Variants in RIPOR2 observed in about 807,000 individuals in gnomAD.
RIPOR2 encodes the protein rho family-interacting cell polarization regulator 2.
Under a neutral mutation model 114.5 loss-of-function variants are expected in RIPOR2, and 39 were observed. The observed-to-expected ratio is 0.34, with a 90% CI of 0.26 to 0.44. RIPOR2 has a LOEUF of 0.44. RIPOR2 is among the 20% of genes least tolerant of loss of function. The probability of loss-of-function intolerance (pLI) is 1.00; values close to 1 mark genes in which losing one functional copy is unlikely to be tolerated. For missense variants in RIPOR2, 1,007 were observed against 1,255.1 expected (o/e 0.80, Z 2.99); for synonymous variants, 445 against 484.4 (o/e 0.92, Z 1.07).
chr6:24,921,553 T>C (rs1770488399), intron 1 of RIPOR2, among the ~76,000 whole-genome samples: 1 of 152,130 alleles, frequency 6.6e-6, no homozygotes, highest in Non-Finnish European at 1.5e-5. Flanking sequence ...GTTCAGACCT[T>C]GACTTCAAAC....
intron 1 of RIPOR2, among the ~76,000 whole-genome samples, chr6:24,942,827 G>A (rs654491): frequency 1.3e-5 from 2 of 152,124 alleles, no homozygotes; most frequent in Non-Finnish European, 2.9e-5. Context: ...TCTGTCAGAT[G>A]AGTAGGTTGC....
chr6:24,882,969 C>G (rs1465887295), intron 1 of RIPOR2, among the ~76,000 whole-genome samples: 1 of 152,154 alleles, frequency 6.6e-6, no homozygotes, highest in Non-Finnish European at 1.5e-5. Flanking sequence ...AAGGAAACCC[C>G]TGCAAGGATG....
intron 1 of RIPOR2, among the ~76,000 whole-genome samples, chr6:25,010,132 C>T (rs774908798): frequency 2.6e-5 from 4 of 152,064 alleles, no homozygotes; most frequent in Non-Finnish European, 4.4e-5. Flanking sequence ...GAATGTTTGT[C>T]CCCCATTAAC....
chr6:24,899,996 T>A (rs1768255976), intron 1 of RIPOR2, among the ~76,000 whole-genome samples: 1 of 152,230 alleles, frequency 6.6e-6, no homozygotes, highest in South Asian at 2.1e-4. Flanking sequence ...GTGAAAAATC[T>A]TCTTCTTGAT....
At chr6:24,809,054 C>T (rs1780961426) in intron 21 of RIPOR2, among the ~76,000 whole-genome samples, 1 of 152,088 alleles carries the variant, frequency 6.6e-6, no homozygotes, top group South Asian at 2.1e-4. Flanking sequence ...GCCACCAAAC[C>T]CAGCTATTTA....
chr6:24,873,734 T>G lies in RIPOR2; in HGVS notation c.254A>C (p.His85Pro). The part of the protein sequence containing the change: ...KKPQAKLKKM[H>P]NLGHKNNNPP... Reference sequence around the variant, plus strand: ...ATTGTTGTTTTTGTGGCCTAAATTGTGCATTTTCTTCAGTTTGGCCTGAGG... The same window carrying G: ...ATTGTTGTTTTTGTGGCCTAAATTGGGCATTTTCTTCAGTTTGGCCTGAGG... The change falls in exon 3 of 22, where the codon CAC becomes CCC. Residue 85 changes from histidine (H) to proline (P), a missense_variant. Transcript: ENST00000643898. 6.2e-7 allele frequency: 1 copy of G among 1,613,664 alleles called. No homozygotes were observed. The highest frequency in any genetic ancestry group is 8.5e-7 in the Non-Finnish European group (1 of 1,179,762).
intron 13 of RIPOR2, among the ~76,000 whole-genome samples, chr6:24,841,670 T>A (rs1382781707): frequency 1.3e-5 from 2 of 150,116 alleles, no homozygotes; most frequent in Admixed American, 1.3e-4. Flanking sequence ...CAGGCTGGAG[T>A]GCAGTGACGT....
intron 5 of RIPOR2, among the ~76,000 whole-genome samples, chr6:24,870,468 T>C (rs1242941040): frequency 6.6e-6 from 1 of 152,242 alleles, no homozygotes; most frequent in Non-Finnish European, 1.5e-5. Context: ...TTTTACTGTC[T>C]CTAAGAGGGT....
chr6:24,982,169 T>C (rs917298967), intron 1 of RIPOR2, among the ~76,000 whole-genome samples: 1 of 152,256 alleles, frequency 6.6e-6, no homozygotes, highest in African/African-American at 2.4e-5. Context: ...TAAAAATCCA[T>C]ATATTTTGTC....
At chr6:24,928,635 A>C (rs2114138268) in intron 1 of RIPOR2, among the ~76,000 whole-genome samples, 1 of 152,274 alleles carries the variant, frequency 6.6e-6, no homozygotes, top group African/African-American at 2.4e-5. Context: ...TAAACCTTTA[A>C]CTCCCAATAA....
chr6:24,844,886 A>T (rs529164206), intron 12 of RIPOR2, among the ~76,000 whole-genome samples: 2 of 152,248 alleles, frequency 1.3e-5, no homozygotes, highest in South Asian at 2.1e-4. Context: ...AATTCTCAAA[A>T]TTTGCTGGGA....
At chr6:25,005,738 T>TATATATATATATATATACAC (rs34572978) in intron 1 of RIPOR2, among the ~76,000 whole-genome samples, 22 of 70,692 alleles carry the variant, frequency 3.1e-4, no homozygotes, top group South Asian at 5.0e-4. Flanking sequence ...TATATATATA[T>TATATATATATATATATACAC]ATACATTTAC....
intron 1 of RIPOR2, among the ~76,000 whole-genome samples, chr6:25,000,645 T>TA (rs1387580665): frequency 1.4e-5 from 2 of 147,346 alleles, no homozygotes; most frequent in East Asian, 3.9e-4. Context: ...TGCTTTTTCC[T>TA]TTTTTTTTTC....
chr6:24,896,078 A>G (rs1767844398), intron 1 of RIPOR2, among the ~76,000 whole-genome samples: 1 of 152,344 alleles, frequency 6.6e-6, no homozygotes, highest in South Asian at 2.1e-4. Flanking sequence ...GCCCCGTGTC[A>G]GGATTGGAAC....
chr6:24,967,417 G>A (rs1245532802), intron 1 of RIPOR2, among the ~76,000 whole-genome samples: 1 of 152,190 alleles, frequency 6.6e-6, no homozygotes, highest in East Asian at 1.9e-4. Flanking sequence ...ACAGTATGGT[G>A]GAAGGAAGCA....
intron 1 of RIPOR2, among the ~76,000 whole-genome samples, chr6:24,983,032 T>G (rs1275992316): frequency 6.6e-6 from 1 of 152,108 alleles, no homozygotes; most frequent in African/African-American, 2.4e-5. Flanking sequence ...TACCTCTTCT[T>G]TTTTCCTTTA....
chr6:24,989,457 G>C (rs368047490), intron 1 of RIPOR2, among the ~76,000 whole-genome samples: 1 of 151,532 alleles, frequency 6.6e-6, no homozygotes, highest in Admixed American at 6.6e-5. Context: ...CACCATGCCT[G>C]GCTATTTTTT....
intron 20 of RIPOR2, among the ~76,000 whole-genome samples, chr6:24,811,041 G>T (rs1781112976): frequency 6.6e-6 from 1 of 152,118 alleles, no homozygotes; most frequent in South Asian, 2.1e-4. Flanking sequence ...CTGACCTCAG[G>T]TGATCCACCG....
Position 24,849,788 on chromosome 6 carries a change from G to A in RIPOR2, c.1034+14C>T. 1.2e-6 allele frequency: 2 copies of A among 1,610,722 alleles called. No individual in the cohort carries two copies. Among genetic ancestry groups the A allele is most frequent in the Non-Finnish European group, 1.7e-6 (2 of 1,177,194 alleles). ...GATATTTCTATATGATGAAATAAAG[G>A]AAGAGGCACTTACTACCAGGTGATT... is the stretch of plus-strand genomic sequence containing the variant. On this transcript the variant is annotated intron_variant, in intron 11 of 21. Transcript: ENST00000643898.
Sources: allele counts gnomAD v4.1 joint callset (sites outside exome capture counted in the v4.1 genomes callset), GRCh38; gene constraint gnomAD v4.1.1; transcripts MANE v1.5; gene names NCBI Gene and HGNC (gene_info 2026-07-23, HGNC 2026-07-21).